The following TMEM94 variants were observed in gnomAD, a reference collection of about 807,000 sequenced individuals.
The protein encoded by TMEM94 is transmembrane protein 94.
In TMEM94, 81 loss-of-function variants were observed where a neutral mutation model predicts 158.6. The ratio of observed to expected loss-of-function variants is 0.51; its 90% confidence interval spans 0.43 to 0.61. The LOEUF is 0.61. Among genes scored for constraint, TMEM94 ranks in the 20% least tolerant of loss-of-function variants. The pLI is 0.00. For synonymous variants in TMEM94, 751 were observed against 730.7 expected (o/e 1.03, Z -0.45); for missense variants, 1,435 against 1,762.0 (o/e 0.81, Z 3.32).
rs148536326 is a variant in TMEM94, at chr17:75,494,976, C to T, written c.2670C>T (p.Ser890=). ...CACCCAATGGTGACATGCCTGGCTC[C>T]GAGATCCCCCCCTCCAGCCCCAGCC... ...SLTPNGDMPG[S]EIPPSSPSHA... Residue 890 remains serine (S), a synonymous_variant, in exon 20 of 32, where the codon TCC becomes TCT. Coordinates refer to ENST00000314256, the MANE Select transcript of TMEM94 (RefSeq NM_014738.6). 10 of 1,613,274 alleles carry T rather than the reference C, an allele frequency of 6.2e-6. No homozygotes were observed. The African/African-American group carries it at 8.0e-5, about 13-fold the overall frequency.
In TMEM94 at chr17:75,492,084, T is replaced by C; in HGVS notation, c.1596+184T>C. 1.3e-6 allele frequency: 1 copy of C among 771,330 alleles called. No individual in the cohort carries two copies. Among genetic ancestry groups the C allele is most frequent in the Non-Finnish European group, 2.0e-6 (1 of 488,404 alleles). The allele number at this position is 771,330 out of a possible 1,614,324, so 47.8% of individuals were successfully genotyped here. A position where few individuals can be genotyped will look rare whatever the true frequency, so the allele number is the denominator to read the frequency against. Reference sequence around the variant, plus strand: ...AGTCTGCTGCGAAGTAGGTGGAGCCTCCCCCTACCCTTCCATTCTTGTAAT... The same window carrying C: ...AGTCTGCTGCGAAGTAGGTGGAGCCCCCCCCTACCCTTCCATTCTTGTAAT... On this transcript the variant is annotated intron_variant, in intron 14 of 31. Transcript: ENST00000314256. This position sits in a 1 kb window ranked among gnomAD's most constrained non-coding sequence, Gnocchi z 4.4.
At position 75,495,114 on chromosome 17, in the gene TMEM94, C is replaced by A; in HGVS notation, c.2728+80C>A. The A allele has an allele frequency of 6.4e-7, 1 of 1,555,278 alleles. No individual in the cohort carries two copies. Among genetic ancestry groups the A allele is most frequent in the South Asian group, 1.2e-5 (1 of 84,116 alleles). On this transcript the variant is annotated intron_variant, in intron 20 of 31. Coordinates refer to ENST00000314256, the MANE Select transcript of TMEM94 (RefSeq NM_014738.6). The surrounding 1 kb of genome is among the most constrained non-coding windows in gnomAD (Gnocchi z 5.6). Reference sequence around the variant, plus strand: ...TCAGAGCCACAGCCAGGAAGAGCCTCCGGAGAGCCCTCCAGTTAAGTACAT... The same window carrying A: ...TCAGAGCCACAGCCAGGAAGAGCCTACGGAGAGCCCTCCAGTTAAGTACAT...
Position 75,499,301 on chromosome 17 carries a change from T to C in TMEM94, c.4038T>C (p.Phe1346=). Residue 1346 remains phenylalanine (F), a synonymous_variant, in exon 32 of 32, where the codon TTT becomes TTC. Transcript: ENST00000314256. Reference sequence around the variant, plus strand: ...ACCAGAAGCGACAGAAGCTGCAGTTTGAAACTAAGCTGGGCATGAACTCTC... The same window carrying C: ...ACCAGAAGCGACAGAAGCTGCAGTTCGAAACTAAGCTGGGCATGAACTCTC... The part of the protein sequence containing the change: ...VRYQKRQKLQ[F]ETKLGMNSPF The C allele has an allele frequency of 1.2e-6, 2 of 1,613,770 alleles. No homozygotes were observed. The highest frequency in any genetic ancestry group is 1.7e-6 in the Non-Finnish European group (2 of 1,179,984).
chr17:75,489,472 C>A lies in TMEM94; in HGVS notation c.867+104C>A. On this transcript the variant is annotated intron_variant, in intron 8 of 31. Coordinates refer to ENST00000314256, the MANE Select transcript of TMEM94 (RefSeq NM_014738.6). This position sits in a 1 kb window ranked among gnomAD's most constrained non-coding sequence, Gnocchi z 5.0. ...ATGAGCGGGAGTGAATGCAGAGGGTCCCAGAGTGAGCCAGCCTGTGGAGTA... is the reference window on the plus strand; with the variant it reads ...ATGAGCGGGAGTGAATGCAGAGGGTACCAGAGTGAGCCAGCCTGTGGAGTA... The A allele has an allele frequency of 6.8e-7, 1 of 1,480,758 alleles. No individual in the cohort carries two copies. Among genetic ancestry groups the A allele is most frequent in the Non-Finnish European group, 9.4e-7 (1 of 1,060,526 alleles). The allele number at this position is 1,480,758 out of a possible 1,614,324, so 91.7% of individuals were successfully genotyped here.
intron 26 of TMEM94, 48 bp downstream of exon 26, chr17:75,497,246 G>A: frequency 6.7e-7 from 1 of 1,500,830 alleles, no homozygotes; most frequent in Middle Eastern, 1.7e-4. Flanking sequence ...AGCAGGAGGT[G>A]TCTGGATGTC....
At position 75,465,907 on chromosome 17, in the gene TMEM94, GTTTTC is replaced by G. The variant is rs1206811680; in HGVS notation, c.-106-5888_-106-5884del. ...ATTTTTATGGAACAATTTATCAGTTGTTTTCTTTTATTTGTTTGTTTGTTTTTTAG... is the reference window on the plus strand; with the variant it reads ...ATTTTTATGGAACAATTTATCAGTTGTTTTATTTGTTTGTTTGTTTTTTAG... On this transcript the variant is annotated intron_variant, in intron 1 of 31. Coordinates refer to ENST00000314256, the MANE Select transcript of TMEM94 (RefSeq NM_014738.6). Among the ~76,000 whole-genome samples the G allele has an allele frequency of 5.3e-5, 8 of 151,522 alleles. No individual in the cohort carries two copies. In the South Asian group the frequency reaches 1.5e-3, roughly 28 times the overall value.
At position 75,487,673 on chromosome 17, in the gene TMEM94, C is replaced by A. The variant is rs2051737094; in HGVS notation, c.410-259C>A. 1.3e-5 allele frequency among the ~76,000 whole-genome samples: 2 copies of A among 152,124 alleles called. No individual in the cohort carries two copies. The highest frequency in any genetic ancestry group is 4.1e-4 in the South Asian group (2 of 4,826). On this transcript the variant is annotated intron_variant, in intron 5 of 31. Transcript: ENST00000314256. The surrounding 1 kb of genome is among the most constrained non-coding windows in gnomAD (Gnocchi z 4.6). ...CCTCTGCAATGTTTGTGAAGTGTAT[C>A]TGAATGGGATGGGGGTACAAAGAAC...
Position 75,489,598 on chromosome 17 carries a change from C to T in TMEM94, c.890C>T (p.Ala297Val). The T allele has an allele frequency of 6.2e-7, 1 of 1,614,096 alleles. No homozygotes were observed. The highest frequency in any genetic ancestry group is 1.1e-5 in the South Asian group (1 of 91,084). Residue 297 changes from alanine to valine, a missense_variant, in exon 9 of 32, where the codon GCC (alanine) becomes GTC (valine). Coordinates refer to ENST00000314256, the MANE Select transcript of TMEM94 (RefSeq NM_014738.6). This position sits in a 1 kb window ranked among gnomAD's most constrained non-coding sequence, Gnocchi z 5.0. ...CAGGCCGGCTTCCTCATCACCAATG[C>T]CCTGCGCTTCATCTTCAGTGCCCCG... ...VVLAGFLITN[A>V]LRFIFSAPGV...
chr17:75,464,670 TC>T (rs1200745324), intron 1 of TMEM94, among the ~76,000 whole-genome samples: 4 of 117,296 alleles, frequency 3.4e-5, no homozygotes, highest in African/African-American at 9.5e-5. Context: ...CTTCCTTCCT[TC>T]CTTCCTTCTT....
chr17:75,488,470 T>A (rs896042596), intron 6 of TMEM94, among the ~76,000 whole-genome samples: 1 of 152,292 alleles, frequency 6.6e-6, no homozygotes, highest in South Asian at 2.1e-4. Context: ...TTGGTAGAGA[T>A]GGGGTTTCGG....
At position 75,495,557 on chromosome 17, in the gene TMEM94, G is replaced by T. The variant is rs936241264; in HGVS notation, c.2858G>T (p.Arg953Leu). 1.2e-6 allele frequency: 2 copies of T among 1,613,380 alleles called. No homozygotes were observed. The highest frequency in any genetic ancestry group is 8.5e-7 in the Non-Finnish European group (1 of 1,180,006). ...TGCTTTCTCCAGGCCAAGCTGCCCC[G>T]GGGTATCCACCAAGTGCGGCCCCAC... ...LEDSNRAKLP[R>L]GIHQVRPHLQ... The change falls in exon 22 of 32, where the codon CGG becomes CTG. Residue 953 changes from arginine (R) to leucine (L), a missense_variant. Transcript: ENST00000314256. This position sits in a 1 kb window ranked among gnomAD's most constrained non-coding sequence, Gnocchi z 5.6.
At position 75,488,851 on chromosome 17, in the gene TMEM94, G is replaced by A. The variant is rs1334147565; in HGVS notation, c.705G>A (p.Gln235=). The change falls in exon 7 of 32, where the codon CAG becomes CAA. Residue 235 remains glutamine (Q), a synonymous_variant. Transcript: ENST00000314256. ...SPRGEVERGP[Q]SPQQHRLFRV... ...GGGGAGAAGTGGAGAGAGGGCCACA[G>A]AGCCCCCAGCAGCACCGGCTTTTCC... 1.2e-6 allele frequency: 2 copies of A among 1,612,362 alleles called. No individual in the cohort carries two copies. Among genetic ancestry groups the A allele is most frequent in the Non-Finnish European group, 1.7e-6 (2 of 1,178,926 alleles).
intron 2 of TMEM94, among the ~76,000 whole-genome samples, chr17:75,482,406 G>A (rs1280249517): frequency 2.0e-5 from 3 of 151,922 alleles, no homozygotes; most frequent in Non-Finnish European, 4.4e-5. Context: ...CACTCCATAG[G>A]CTGAGGCAGG....
rs74894686 is a variant in TMEM94 at position 75,492,495 on chromosome 17, G to T, written c.1618G>T (p.Asp540Tyr). The change falls in exon 15 of 32, where the codon GAC (aspartate) becomes TAC (tyrosine). Residue 540 changes from aspartate (D) to tyrosine (Y), a missense_variant. Transcript: ENST00000314256. This position sits in a 1 kb window ranked among gnomAD's most constrained non-coding sequence, Gnocchi z 4.4. ...CCAGACCCAGCCTGGGATGGAGAGC[G>T]ACCCCTACGAAGCAGAGGACTTTGT... ...PSKTQPGMESDPYEAEDFVCD... is the reference protein window; with the variant it reads ...PSKTQPGMESYPYEAEDFVCD... 1 of 1,594,718 alleles carries T rather than the reference G, an allele frequency of 6.3e-7. No homozygotes were observed. Among genetic ancestry groups the T allele is most frequent in the African/African-American group, 1.3e-5 (1 of 74,716 alleles).
chr17:75,493,280 C>G (rs2052380194), intron 16 of TMEM94, 178 bp downstream of exon 16: 1 of 854,524 alleles, frequency 1.2e-6, no homozygotes, highest in Admixed American at 2.6e-5. Context: ...GTGTTGGCTG[C>G]AGAGGCCGGG....
intron 2 of TMEM94, chr17:75,476,572 T>C: frequency 6.8e-7 from 1 of 1,480,576 alleles, no homozygotes; most frequent in Non-Finnish European, 8.9e-7. Context: ...GCTCACACAC[T>C]CTCAGCTGTC....
intron 2 of TMEM94, among the ~76,000 whole-genome samples, chr17:75,482,171 G>A (rs116854986): frequency 3.3e-5 from 5 of 151,852 alleles, no homozygotes; most frequent in South Asian, 2.1e-4. Flanking sequence ...GGTGAAACTC[G>A]GTCTCTACTA....
intron 2 of TMEM94, among the ~76,000 whole-genome samples, chr17:75,479,283 A>G (rs1877053619): frequency 6.6e-6 from 1 of 151,748 alleles, no homozygotes; most frequent in Non-Finnish European, 1.5e-5. Flanking sequence ...GCAACATAGC[A>G]AGACCTCATG....
At chr17:75,482,153 G>A (rs1250321292) in intron 2 of TMEM94, among the ~76,000 whole-genome samples, 2 of 152,128 alleles carry the variant, frequency 1.3e-5, no homozygotes, top group African/African-American at 4.8e-5. Flanking sequence ...GACCAGCCTG[G>A]GCAACATGGT....
Sources: allele counts gnomAD v4.1 joint callset (sites outside exome capture counted in the v4.1 genomes callset), GRCh38; gene constraint gnomAD v4.1.1; non-coding constraint Gnocchi (gnomAD v3.1); transcripts MANE v1.5; gene names NCBI Gene and HGNC (gene_info 2026-07-23, HGNC 2026-07-21).